Variants in PITPNM3 observed in about 807,000 individuals in gnomAD.
PITPNM3 encodes the protein membrane-associated phosphatidylinositol transfer protein 3.
In PITPNM3, 26 loss-of-function variants were observed where a neutral mutation model predicts 102.0. That is an observed-to-expected ratio of 0.25 (90% CI 0.19 to 0.35). PITPNM3 has a LOEUF of 0.35. Among genes scored for constraint, PITPNM3 ranks in the 10% least tolerant of loss-of-function variants. The probability of loss-of-function intolerance (pLI) is 1.00; values close to 1 mark genes in which losing one functional copy is unlikely to be tolerated. For missense variants in PITPNM3, 1,083 were observed against 1,346.1 expected, an observed-to-expected ratio of 0.80 and a Z score of 3.06; for synonymous variants, 578 against 558.6, an observed-to-expected ratio of 1.03 and a Z score of -0.49.
In PITPNM3 at chr17:6,510,258, G is replaced by A. The variant is rs1366076003; in HGVS notation, c.227-6684C>T. On this transcript the variant is annotated intron_variant, in intron 3 of 19. Transcript: ENST00000262483. Reference sequence around the variant, plus strand: ...AGGACAATTTATACTAACAATCTATGAGCTGTCATTTAAGGAATGACAACC... The same window carrying A: ...AGGACAATTTATACTAACAATCTATAAGCTGTCATTTAAGGAATGACAACC... Among the ~76,000 whole-genome samples, 3 of 151,986 alleles carry A rather than the reference G, an allele frequency of 2.0e-5. No homozygotes were observed. The East Asian group carries it at 5.8e-4, about 29-fold the overall frequency.
chr17:6,525,296 C>T, intron 3 of PITPNM3, 60 bp downstream of exon 3: 1 of 1,469,144 alleles, frequency 6.8e-7, no homozygotes, highest in Non-Finnish European at 9.5e-7. Flanking sequence ...ACCAGCCCTA[C>T]AGCCCCCCCT....
At position 6,472,503 on chromosome 17, in the gene PITPNM3, T is replaced by C. The variant is rs1394149455; in HGVS notation, c.1429+154A>G. ...CAGACAAGCAGGTGCTTAGCACAGG[T>C]GGGCGACTCTGAAGACAGAGGAGTC... On this transcript the variant is annotated intron_variant, in intron 11 of 19. Transcript: ENST00000262483. This position sits in a 1 kb window ranked among gnomAD's most constrained non-coding sequence, Gnocchi z 4.1. 1.3e-5 allele frequency among the ~76,000 whole-genome samples: 2 copies of C among 152,286 alleles called. No individual in the cohort carries two copies. Among genetic ancestry groups the C allele is most frequent in the East Asian group, 3.9e-4 (2 of 5,166 alleles).
rs1304495701 is a variant in PITPNM3 at position 6,538,006 on chromosome 17, A to G, written c.99T>C (p.Asp33=). 3 of 1,613,632 alleles carry G rather than the reference A, an allele frequency of 1.9e-6. No homozygotes were observed. The highest frequency in any genetic ancestry group is 1.3e-5 in the African/African-American group (1 of 74,904). The part of the protein sequence containing the change: ...VLSDSVESSD[D]EFFDAREEMA... ...ACTCACCTCTGGCATCAAAGAATTC[A>G]TCATCTGAGCTCTCCACAGAGTCAC... The change falls in exon 2 of 20, where the codon GAT becomes GAC. Residue 33 remains aspartate, a synonymous_variant. Transcript: ENST00000262483.
chr17:6,547,884 A>G (rs1910109370), intron 1 of PITPNM3, among the ~76,000 whole-genome samples: 1 of 151,892 alleles, frequency 6.6e-6, no homozygotes, highest in Non-Finnish European at 1.5e-5. Context: ...ATGCACCACC[A>G]TGCCTGGCTA....
Position 6,463,771 on chromosome 17 carries a change from C to T in PITPNM3, c.2267G>A (p.Ser756Asn). The part of the protein sequence containing the change: ...SFAASVSIMG[S>N]DPKVRPGAVD... ...TGCACCCGGCCGGACCTTGGGGTCG[C>T]TTCCCATGATAGACACGCTGGCCGC... The change falls in exon 17 of 20, where the codon AGC (serine) becomes AAC (asparagine). Residue 756 changes from serine (S) to asparagine (N), a missense_variant. Transcript: ENST00000262483. The T allele has an allele frequency of 6.2e-7, 1 of 1,612,448 alleles. No homozygotes were observed. Among genetic ancestry groups the T allele is most frequent in the East Asian group, 2.2e-5 (1 of 44,856 alleles).
At chr17:6,523,441 T>G (rs998840494) in intron 3 of PITPNM3, among the ~76,000 whole-genome samples, 4 of 152,300 alleles carry the variant, frequency 2.6e-5, no homozygotes, top group Middle Eastern at 3.4e-3. Context: ...CTTCTGCCTC[T>G]GTCCTGGACC....
chr17:6,551,974 T>C (rs1910332107), intron 1 of PITPNM3, among the ~76,000 whole-genome samples: 1 of 152,150 alleles, frequency 6.6e-6, no homozygotes, highest in Non-Finnish European at 1.5e-5. Context: ...CCTTCTTCTG[T>C]GACGTTGGCC....
At chr17:6,504,462 A>G (rs949331098) in intron 3 of PITPNM3, among the ~76,000 whole-genome samples, 1 of 152,198 alleles carries the variant, frequency 6.6e-6, no homozygotes, top group African/African-American at 2.4e-5. Context: ...TCTGCCTGCC[A>G]GGGCCATCTT....
intron 2 of PITPNM3, among the ~76,000 whole-genome samples, chr17:6,535,399 G>A (rs1225681336): frequency 6.6e-6 from 1 of 152,166 alleles, no homozygotes; most frequent in Non-Finnish European, 1.5e-5. Flanking sequence ...ACACACAAAG[G>A]CCTTGGTCAG....
intron 17 of PITPNM3, 99 bp downstream of exon 17, chr17:6,463,633 A>C: frequency 3.4e-6 from 5 of 1,476,104 alleles, no homozygotes; most frequent in Non-Finnish European, 4.6e-6. Context: ...AGAGACCGGT[A>C]GAATTCCTAC....
Position 6,556,237 on chromosome 17 carries a change from G to A in PITPNM3, c.22+148C>T. The A allele has an allele frequency of 2.0e-6, 1 of 499,240 alleles. No individual in the cohort carries two copies. The highest frequency in any genetic ancestry group is 3.0e-6 in the Non-Finnish European group (1 of 334,772). 30.9% of individuals were successfully genotyped at this position (499,240 alleles called of 1,614,324 possible). A position where few individuals can be genotyped will look rare whatever the true frequency, so the allele number is the denominator to read the frequency against. ...GCGCGGAGCCCCCTCTCCACGCGCG[G>A]GAGGTCCAGCCCCGCTACCGCCCCC... On this transcript the variant is annotated intron_variant, in intron 1 of 19. Transcript: ENST00000262483. This position sits in a 1 kb window ranked among gnomAD's most constrained non-coding sequence, Gnocchi z 5.2.
At chr17:6,465,336 G>A (rs1487619083) in intron 14 of PITPNM3, among the ~76,000 whole-genome samples, 8 of 152,192 alleles carry the variant, frequency 5.3e-5, no homozygotes, top group East Asian at 1.9e-4. Context: ...ATGAGCCACC[G>A]TGCCTGGCCC....
In PITPNM3 at chr17:6,477,055, G is replaced by A. The variant is rs376139882; in HGVS notation, c.1059C>T (p.Ile353=). The change falls in exon 9 of 20, where the codon ATC becomes ATT. Residue 353 remains isoleucine, a synonymous_variant. Transcript: ENST00000262483. ...SDSSTYDCEA[I]TQHHAFLSSI... is the part of the protein sequence containing the mutation. ...TTGAGAGGAAGGCATGGTGCTGGGT[G>A]ATGGCCTCGCAGTCATAGGTGGAGG... 1.1e-5 allele frequency: 17 copies of A among 1,614,052 alleles called. No individual in the cohort carries two copies. The highest frequency in any genetic ancestry group is 8.0e-5 in the African/African-American group (6 of 74,926).
intron 3 of PITPNM3, 50 bp downstream of exon 3, chr17:6,525,305 CT>C (rs1294506049): frequency 6.5e-7 from 1 of 1,543,326 alleles, no homozygotes; most frequent in East Asian, 2.2e-5. Context: ...ACAGCCCCCC[CT>C]GCAACACACC....
rs1221273367 is a variant in PITPNM3 at position 6,458,535 on chromosome 17, C to T, written c.2491-813G>A. ...TCGCACCTTCTTTCACGTCAGTGGC[C>T]GTCACTTCCAGGACCAAACTCAGAA... is the stretch of plus-strand genomic sequence containing the variant. On this transcript the variant is annotated intron_variant, in intron 18 of 19. Transcript: ENST00000262483. The surrounding 1 kb of genome is among the most constrained non-coding windows in gnomAD (Gnocchi z 5.1). Among the ~76,000 whole-genome samples, 4 of 152,122 alleles carry T rather than the reference C, an allele frequency of 2.6e-5. No homozygotes were observed. The highest frequency in any genetic ancestry group is 7.2e-5 in the African/African-American group (3 of 41,416).
At chr17:6,492,017 T>G (rs1906519937) in intron 4 of PITPNM3, among the ~76,000 whole-genome samples, 1 of 151,636 alleles carries the variant, frequency 6.6e-6, no homozygotes, top group African/African-American at 2.4e-5. Context: ...TATTTATGAA[T>G]GTTTATTGGA....
chr17:6,514,028 T>C (rs1165472760), intron 3 of PITPNM3, among the ~76,000 whole-genome samples: 1 of 152,194 alleles, frequency 6.6e-6, no homozygotes, highest in East Asian at 1.9e-4. Context: ...GGATGAGAGA[T>C]AGTCTTTTCA....
intron 4 of PITPNM3, among the ~76,000 whole-genome samples, chr17:6,489,735 G>A (rs1003166907): frequency 1.4e-4 from 21 of 152,186 alleles, no homozygotes; most frequent in African/African-American, 4.6e-4. Context: ...GCCGGGGACC[G>A]TGGCTCACGC....
Position 6,451,430 on chromosome 17 carries a change from G to A in PITPNM3, c.*3908C>T, listed in dbSNP as rs1011035640. The A allele has an allele frequency of 2.6e-5, 4 of 152,172 alleles. No individual in the cohort carries two copies. Among genetic ancestry groups the A allele is most frequent in the South Asian group, 2.1e-4 (1 of 4,828 alleles). 9.4% of individuals were successfully genotyped at this position (152,172 alleles called of 1,614,324 possible). On this transcript the variant is annotated 3_prime_UTR_variant, in exon 20 of 20. Transcript: ENST00000262483. ...GCGTTTCTAACGGATTTTGTACAAG[G>A]CAGCCATAAGGAATATAATAAACCT...
Sources: allele counts gnomAD v4.1 joint callset (sites outside exome capture counted in the v4.1 genomes callset), GRCh38; gene constraint gnomAD v4.1.1; non-coding constraint Gnocchi (gnomAD v3.1); transcripts MANE v1.5; gene names NCBI Gene and HGNC (gene_info 2026-07-23, HGNC 2026-07-21).